Variants in TENM1 observed in about 807,000 individuals in gnomAD.
The protein encoded by TENM1 is teneurin transmembrane protein 1.
A neutral mutation model predicts 174.8 loss-of-function variants in TENM1; 35 were observed. That is an observed-to-expected ratio of 0.20 (90% CI 0.15 to 0.27). The LOEUF (loss-of-function observed/expected upper bound fraction) is 0.27. Among genes scored for constraint, TENM1 ranks in the 10% least tolerant of loss-of-function variants. The probability of loss-of-function intolerance (pLI) is 1.00; values close to 1 mark genes in which losing one functional copy is unlikely to be tolerated. For synonymous variants in TENM1, 781 were observed against 798.7 expected, an observed-to-expected ratio of 0.98 and a Z score of 0.37; for missense variants, 1,633 against 2,130.1, an observed-to-expected ratio of 0.77 and a Z score of 4.59.
chrX:125,072,602 A>C, the TENM1 span, among the ~76,000 whole-genome samples: 1 of 111,969 alleles, frequency 8.9e-6, no homozygotes, highest in Non-Finnish European at 1.9e-5. Flanking sequence ...GGGTGTAATG[A>C]ACAAGAAATC....
At chrX:124,959,903 G>T (rs2058629594) in intron 1 of TENM1, among the ~76,000 whole-genome samples, 1 of 111,272 alleles carries the variant, frequency 9.0e-6, no homozygotes, top group African/African-American at 3.3e-5. Flanking sequence ...ACATTGTTTG[G>T]ACCTCTAATG....
chrX:124,550,231 T>C (rs1162424058), intron 14 of TENM1, among the ~76,000 whole-genome samples: 1 of 111,543 alleles, frequency 9.0e-6, no homozygotes, highest in Non-Finnish European at 1.9e-5. Context: ...CTACTAATTG[T>C]ATGCCCTTGG....
intron 11 of TENM1, among the ~76,000 whole-genome samples, chrX:124,593,642 T>C (rs2049817515): frequency 9.0e-6 from 1 of 111,543 alleles, no homozygotes; most frequent in Non-Finnish European, 1.9e-5. Flanking sequence ...AGTAAGTGAA[T>C]GTTCTAAGTA....
At chrX:124,424,757 C>G (rs937306281) in intron 23 of TENM1, among the ~76,000 whole-genome samples, 28 of 110,915 alleles carry the variant, frequency 2.5e-4, no homozygotes, top group Non-Finnish European at 2.1e-4. Context: ...CCCCTTGGTA[C>G]TGTATAGTGA....
chrX:124,955,228 A>G (rs1197425573), intron 1 of TENM1, among the ~76,000 whole-genome samples: 3 of 107,964 alleles, frequency 2.8e-5, no homozygotes, highest in African/African-American at 7.3e-5. Context: ...TTGGATGCAC[A>G]TTGGCATCCC....
intron 3 of TENM1, among the ~76,000 whole-genome samples, chrX:124,876,480 A>G (rs995669923): frequency 8.9e-6 from 1 of 111,756 alleles, no homozygotes; most frequent in Non-Finnish European, 1.9e-5. Flanking sequence ...ATTCAGAAGT[A>G]AAATTGATTT....
the TENM1 span, among the ~76,000 whole-genome samples, chrX:125,027,548 A>C: frequency 1.8e-5 from 2 of 111,912 alleles, no homozygotes; most frequent in Non-Finnish European, 3.8e-5. Context: ...CCCAAGTCAA[A>C]AGTTTGGAGA....
the TENM1 span, among the ~76,000 whole-genome samples, chrX:125,193,919 G>A: frequency 2.7e-5 from 3 of 110,343 alleles, no homozygotes; most frequent in Admixed American, 9.7e-5. Context: ...TGAGTAGCTG[G>A]GACTAAAGAG....
At chrX:125,033,834 T>A in the TENM1 span, among the ~76,000 whole-genome samples, 1 of 111,753 alleles carries the variant, frequency 8.9e-6, no homozygotes, top group East Asian at 2.8e-4. Context: ...TATAACCAAA[T>A]GTTATTCATC....
At chrX:124,421,951 C>CTTTTTAAGAGT (rs1266126965) in intron 24 of TENM1, among the ~76,000 whole-genome samples, 1 of 112,041 alleles carries the variant, frequency 8.9e-6, no homozygotes, top group African/African-American at 3.2e-5. Context: ...GTGGTCTCAA[C>CTTTTTAAGAGT]TTTTTAAGAG....
intron 1 of TENM1, among the ~76,000 whole-genome samples, chrX:124,932,009 G>A (rs931735074): frequency 9.9e-5 from 11 of 111,668 alleles, no homozygotes; most frequent in African/African-American, 3.3e-4. Flanking sequence ...TCCACAAAGC[G>A]GCTACCTGGT....
At chrX:124,478,901 T>C (rs1245906005) in intron 22 of TENM1, among the ~76,000 whole-genome samples, 1 of 112,548 alleles carries the variant, frequency 8.9e-6, no homozygotes, top group Non-Finnish European at 1.9e-5. Context: ...CAATTAGCAA[T>C]ACTCTCCTCT....
At chrX:124,894,091 C>T (rs1270012963) in intron 3 of TENM1, among the ~76,000 whole-genome samples, 3 of 111,667 alleles carry the variant, frequency 2.7e-5, no homozygotes, top group Non-Finnish European at 5.6e-5. Context: ...GCTCCCCCTT[C>T]ACCTCCTCTT....
chrX:124,523,641 A>G lies in TENM1; in HGVS notation c.2772-16T>C, dbSNP rs201742466. 5.8e-6 allele frequency: 7 copies of G among 1,200,307 alleles called. No individual in the cohort carries two copies. The East Asian group carries it at 1.5e-4, about 26-fold the overall frequency. ...GAGGTCAAAGCTAAGAAGGAAAAACATAAGACAGTTGCAATCAAATGAAAA... is the reference window on the plus strand; with the variant it reads ...GAGGTCAAAGCTAAGAAGGAAAAACGTAAGACAGTTGCAATCAAATGAAAA... On this transcript the variant is annotated splice_polypyrimidine_tract_variant and intron_variant, in intron 16 of 31. Coordinates refer to ENST00000422452, the Ensembl canonical transcript of TENM1.
intron 1 of TENM1, among the ~76,000 whole-genome samples, chrX:124,949,214 C>T (rs2058446179): frequency 9.0e-6 from 1 of 111,489 alleles, no homozygotes. Context: ...AAGGATTTGA[C>T]AATCAGGAAT....
At chrX:125,157,581 G>C in the TENM1 span, among the ~76,000 whole-genome samples, 4 of 111,984 alleles carry the variant, frequency 3.6e-5, no homozygotes, top group East Asian at 1.1e-3. Flanking sequence ...CAATTTCCAA[G>C]AATGGCCGAT....
intron 4 of TENM1, among the ~76,000 whole-genome samples, chrX:124,723,603 G>GTT (rs1198093791): frequency 1.5e-3 from 114 of 74,894 alleles, no homozygotes; most frequent in Non-Finnish European, 2.1e-3. Flanking sequence ...TTTTTTTTTT[G>GTT]TTTTTTTTTT....
intron 1 of TENM1, among the ~76,000 whole-genome samples, chrX:124,925,529 G>C (rs1569482543): frequency 8.9e-6 from 1 of 112,211 alleles, no homozygotes; most frequent in South Asian, 3.7e-4. Context: ...ATAGGTTTGT[G>C]TGTGCTGCAC....
chrX:124,621,948 T>C (rs1602819795), intron 11 of TENM1, among the ~76,000 whole-genome samples: 1 of 112,334 alleles, frequency 8.9e-6, no homozygotes, highest in African/African-American at 3.2e-5. Context: ...GAGGATGCGC[T>C]TGAGTTTATT....
Sources: gnomAD v4.1 joint callset for allele counts (sites outside exome capture counted in the v4.1 genomes callset) on GRCh38, gnomAD v4.1.1 for gene constraint, MANE v1.5 for transcripts, NCBI Gene and HGNC (gene_info 2026-07-23, HGNC 2026-07-21) for gene names.